The following GALNTL6 variants were observed in gnomAD, a reference collection of about 807,000 sequenced individuals.
GALNTL6 encodes the protein polypeptide N-acetylgalactosaminyltransferase like 6.
GALNTL6 carries 46 observed loss-of-function variants against 73.7 expected under a neutral mutation model. The ratio of observed to expected loss-of-function variants is 0.62; its 90% confidence interval spans 0.49 to 0.80. The LOEUF is 0.80. Among genes scored for constraint, GALNTL6 ranks in the 30% least tolerant of loss-of-function variants. GALNTL6 has a pLI of 0.00. For synonymous variants in GALNTL6, 259 were observed against 263.7 expected (o/e 0.98, Z 0.17); for missense variants, 604 against 755.0 (o/e 0.80, Z 2.34).
At chr4:171,847,268 A>G (rs1440302123) in intron 2 of GALNTL6, among the ~76,000 whole-genome samples, 2 of 152,208 alleles carry the variant, frequency 1.3e-5, no homozygotes, top group Non-Finnish European at 2.9e-5. Context: ...TGTTTACACT[A>G]TACTATAGTC....
intron 5 of GALNTL6, among the ~76,000 whole-genome samples, chr4:172,604,511 A>C (rs1035427887): frequency 1.3e-5 from 2 of 152,172 alleles, no homozygotes; most frequent in Non-Finnish European, 2.9e-5. Flanking sequence ...CATAAAGAAA[A>C]ATTATGTTCT....
chr4:172,355,827 T>C (rs1373653501), intron 5 of GALNTL6, among the ~76,000 whole-genome samples: 2 of 152,136 alleles, frequency 1.3e-5, no homozygotes. Context: ...TCTCAAACAT[T>C]AGTTTGTAGT....
intron 5 of GALNTL6, among the ~76,000 whole-genome samples, chr4:172,568,757 CAAAAAAAA>C (rs71592082): frequency 6.0e-5 from 4 of 67,078 alleles, no homozygotes; most frequent in East Asian, 4.8e-4. Context: ...GACTCCATCT[CAAAAAAAA>C]AAAAAAAAAA....
chr4:172,012,294 G>T (rs1182500962), intron 2 of GALNTL6, among the ~76,000 whole-genome samples: 1 of 152,034 alleles, frequency 6.6e-6, no homozygotes, highest in African/African-American at 2.4e-5. Flanking sequence ...CATCCTGAGA[G>T]CTCCCTTTTC....
intron 10 of GALNTL6, 25 bp downstream of exon 10, chr4:172,952,283 G>A: frequency 6.4e-7 from 1 of 1,558,738 alleles, no homozygotes. Context: ...CCTGAAACCT[G>A]CGCCTACCTA....
Position 172,382,884 on chromosome 4 carries a change from A to C in GALNTL6, c.553+34195A>C, listed in dbSNP as rs1360778350. Among the ~76,000 whole-genome samples, 6 of 140,690 alleles carry C rather than the reference A, an allele frequency of 4.3e-5. No homozygotes were observed. In the East Asian group the frequency reaches 1.3e-3, roughly 31 times the overall value. The allele number at this position is 140,690 out of a possible 152,430, so 92.3% of individuals were successfully genotyped here. A position where few individuals can be genotyped will look rare whatever the true frequency, so the allele number is the denominator to read the frequency against. On this transcript the variant is annotated intron_variant, in intron 5 of 12. Transcript: ENST00000506823. ...AGGCAATTGTGAAGACTATTTTCAC[A>C]CAATTTTTAAAGGACTGTTTTTTCC... is the stretch of plus-strand genomic sequence containing the variant.
chr4:172,263,130 C>T (rs909465868), intron 3 of GALNTL6, among the ~76,000 whole-genome samples: 1 of 151,296 alleles, frequency 6.6e-6, no homozygotes, highest in African/African-American at 2.4e-5. Flanking sequence ...ATTTCCCAGC[C>T]GTTCTTTGAG....
chr4:172,216,872 A>C (rs1736512099), intron 2 of GALNTL6, among the ~76,000 whole-genome samples: 1 of 152,136 alleles, frequency 6.6e-6, no homozygotes, highest in African/African-American at 2.4e-5. Context: ...TTTAAGAAAT[A>C]CATTGGTTTG....
chr4:172,614,149 TTCTG>T (rs10560097), intron 5 of GALNTL6, among the ~76,000 whole-genome samples: 53,101 of 151,586 alleles, frequency 0.35, 10,009 homozygotes, highest in Middle Eastern at 0.5. Context: ...CTATCTGTCA[TTCTG>T]TCTATCATCT....
chr4:171,988,356 A>G (rs1437145205), intron 2 of GALNTL6, among the ~76,000 whole-genome samples: 1 of 152,190 alleles, frequency 6.6e-6, no homozygotes, highest in African/African-American at 2.4e-5. Context: ...TGTGGATGAA[A>G]TTTGGGCTTG....
intron 4 of GALNTL6, among the ~76,000 whole-genome samples, chr4:172,345,673 T>TG (rs1741716383): frequency 1.3e-5 from 2 of 152,170 alleles, no homozygotes; most frequent in South Asian, 4.1e-4. Flanking sequence ...GTATAACTTA[T>TG]TTGCCTATGT....
intron 5 of GALNTL6, among the ~76,000 whole-genome samples, chr4:172,417,039 A>C (rs1730860202): frequency 6.6e-6 from 1 of 152,162 alleles, no homozygotes; most frequent in Non-Finnish European, 1.5e-5. Flanking sequence ...GTAATCAATC[A>C]ATAGGAAAAC....
chr4:172,013,540 T>C (rs1194872117), intron 2 of GALNTL6, among the ~76,000 whole-genome samples: 1 of 152,010 alleles, frequency 6.6e-6, no homozygotes, highest in Non-Finnish European at 1.5e-5. Context: ...ATATTTCACA[T>C]TTCTCTTTTT....
chr4:172,980,287 C>A (rs1045359505), intron 10 of GALNTL6, among the ~76,000 whole-genome samples: 3 of 152,192 alleles, frequency 2.0e-5, no homozygotes, highest in African/African-American at 7.2e-5. Context: ...ATAGACCTAA[C>A]TTTAAATTTG....
intron 5 of GALNTL6, among the ~76,000 whole-genome samples, chr4:172,781,026 G>A (rs917556398): frequency 6.6e-6 from 1 of 152,120 alleles, no homozygotes; most frequent in Non-Finnish European, 1.5e-5. Flanking sequence ...AGGAGACTTG[G>A]GAACACTAAA....
chr4:172,650,195 G>A (rs1173121666), intron 5 of GALNTL6, among the ~76,000 whole-genome samples: 2 of 152,180 alleles, frequency 1.3e-5, no homozygotes, highest in African/African-American at 4.8e-5. Flanking sequence ...AGTGTCAGGA[G>A]TGGGTCGCCC....
chr4:171,913,576 A>G (rs890140335), intron 2 of GALNTL6, among the ~76,000 whole-genome samples: 1 of 152,246 alleles, frequency 6.6e-6, no homozygotes, highest in Non-Finnish European at 1.5e-5. Context: ...CATTTTTCAT[A>G]TAAATCTATA....
chr4:171,947,243 C>T (rs10471196), intron 2 of GALNTL6, among the ~76,000 whole-genome samples: 2,990 of 151,994 alleles, frequency 0.02, 103 homozygotes, highest in African/African-American at 0.069. Flanking sequence ...TTTAACTTGT[C>T]GATGTTAATA....
chr4:172,029,215 A>G (rs1741688010), intron 2 of GALNTL6, among the ~76,000 whole-genome samples: 1 of 152,072 alleles, frequency 6.6e-6, no homozygotes, highest in Admixed American at 6.6e-5. Flanking sequence ...TTAAATGTCA[A>G]TACAGATGAA....
Sources: allele counts gnomAD v4.1 joint callset (sites outside exome capture counted in the v4.1 genomes callset), GRCh38; gene constraint gnomAD v4.1.1; transcripts MANE v1.5; gene names NCBI Gene and HGNC (gene_info 2026-07-23, HGNC 2026-07-21).